PTK2B: variants seen among roughly 807,000 people sequenced by gnomAD.
PTK2B encodes the protein protein-tyrosine kinase 2-beta.
Under a neutral mutation model 142.9 loss-of-function variants are expected in PTK2B, and 71 were observed. The observed-to-expected ratio is 0.50, with a 90% CI of 0.41 to 0.61. The LOEUF (loss-of-function observed/expected upper bound fraction) is 0.61, where lower values mean the gene tolerates loss of function less well. Among genes scored for constraint, PTK2B ranks in the 20% least tolerant of loss-of-function variants. The pLI is 0.00. For synonymous variants in PTK2B, 519 were observed against 503.4 expected (o/e 1.03, Z -0.42); for missense variants, 1,105 against 1,320.4 (o/e 0.84, Z 2.53).
intron 22 of PTK2B, 39 bp downstream of exon 22, chr8:27,443,022 A>G: frequency 8.5e-6 from 13 of 1,528,400 alleles, no homozygotes; most frequent in Non-Finnish European, 1.2e-5. Context: ...TGTGAGTCAA[A>G]GCAAAGCCAG....
At chr8:27,352,720 T>C (rs113892872) in intron 1 of PTK2B, among the ~76,000 whole-genome samples, 10 of 152,256 alleles carry the variant, frequency 6.6e-5, no homozygotes, top group African/African-American at 1.9e-4. Context: ...GATCTGATGG[T>C]TTTGAAAAAC....
intron 1 of PTK2B, among the ~76,000 whole-genome samples, chr8:27,388,307 G>A (rs1264504280): frequency 6.6e-6 from 1 of 152,244 alleles, no homozygotes; most frequent in Non-Finnish European, 1.5e-5. Context: ...GGAAAAAGCT[G>A]AGATCATGAT....
At chr8:27,447,697 A>G (rs1351114689) in intron 24 of PTK2B, among the ~76,000 whole-genome samples, 1 of 152,130 alleles carries the variant, frequency 6.6e-6, no homozygotes, top group African/African-American at 2.4e-5. Flanking sequence ...CATCTGTACT[A>G]AAAATACAAA....
chr8:27,368,422 T>C (rs1367446549), intron 1 of PTK2B, among the ~76,000 whole-genome samples: 3 of 152,112 alleles, frequency 2.0e-5, no homozygotes, highest in Non-Finnish European at 4.4e-5. Flanking sequence ...CCCCTTGGTA[T>C]TCATCCCTCC....
intron 2 of PTK2B, among the ~76,000 whole-genome samples, chr8:27,418,770 G>A (rs1340917665): frequency 2.6e-5 from 4 of 152,160 alleles, no homozygotes; most frequent in Admixed American, 6.5e-5. Flanking sequence ...GCTCACGCCT[G>A]TAATCCCAGC....
intron 1 of PTK2B, among the ~76,000 whole-genome samples, chr8:27,351,333 T>C (rs1229919062): frequency 6.6e-6 from 1 of 152,026 alleles, no homozygotes; most frequent in Admixed American, 6.6e-5. Flanking sequence ...AATCACCTGG[T>C]CCAATCCCTT....
chr8:27,374,505 G>A (rs1028641971), intron 1 of PTK2B, among the ~76,000 whole-genome samples: 3 of 152,226 alleles, frequency 2.0e-5, no homozygotes, highest in African/African-American at 7.2e-5. Context: ...GATTTCTGTG[G>A]GAAGGAACAT....
upstream of PTK2B, among the ~76,000 whole-genome samples, chr8:27,323,729 G>A (rs573492945): frequency 9.2e-5 from 14 of 152,140 alleles, no homozygotes; most frequent in Non-Finnish European, 1.9e-4. Flanking sequence ...ACCTGATGGC[G>A]GAGTTGGCCA....
At chr8:27,327,861 G>C (rs886776591) in intron 1 of PTK2B, among the ~76,000 whole-genome samples, 1 of 152,216 alleles carries the variant, frequency 6.6e-6, no homozygotes, top group Non-Finnish European at 1.5e-5. Context: ...GAGGATCCCT[G>C]ATAATGTATG....
chr8:27,442,083 C>A (rs1233988474), intron 21 of PTK2B, among the ~76,000 whole-genome samples: 2 of 152,168 alleles, frequency 1.3e-5, no homozygotes, highest in Non-Finnish European at 2.9e-5. Context: ...TCAGTGTTTC[C>A]TAACCGTTCC....
chr8:27,371,301 T>G (rs922327015), intron 1 of PTK2B, among the ~76,000 whole-genome samples: 26 of 152,178 alleles, frequency 1.7e-4, no homozygotes, highest in African/African-American at 5.3e-4. Flanking sequence ...AGGGCATTCT[T>G]GCCGGCTGAG....
chr8:27,446,553 G>T (rs1811485095), intron 24 of PTK2B, among the ~76,000 whole-genome samples: 1 of 152,108 alleles, frequency 6.6e-6, no homozygotes, highest in Admixed American at 6.6e-5. Context: ...GTGTGAAAAA[G>T]ACACTTTTGC....
In PTK2B at chr8:27,343,663, T is replaced by C. The variant is rs560638275; in HGVS notation, c.-38+17982T>C. On this transcript the variant is annotated intron_variant, in intron 1 of 30. Coordinates refer to ENST00000346049, the MANE Select transcript of PTK2B (RefSeq NM_173176.3). ...CCCATTCAACCTTTACCTTATTCAT[T>C]CACTGTTACCATGTCGCCTGCCTTC... Among the ~76,000 whole-genome samples the C allele has an allele frequency of 7.9e-5, 12 of 152,346 alleles. No homozygotes were observed. In the East Asian group the frequency reaches 2.3e-3, roughly 29 times the overall value.
chr8:27,419,978 C>T lies in PTK2B; in HGVS notation c.288C>T (p.His96=), dbSNP rs777479191. The T allele has an allele frequency of 1.1e-5, 17 of 1,614,172 alleles. No individual in the cohort carries two copies. In the East Asian group the frequency reaches 3.6e-4, roughly 34 times the overall value. The change falls in exon 3 of 31, where the codon CAC becomes CAT. Residue 96 remains histidine (H), a synonymous_variant. Transcript: ENST00000346049. ...LAECYGLRLK[H]MKSDEIHWLH... is the part of the protein sequence containing the mutation. ...AGTGCTATGGGCTGAGGCTGAAGCA[C>T]ATGAAGTCCGATGAGATCCACTGGC...
intron 4 of PTK2B, among the ~76,000 whole-genome samples, chr8:27,421,177 ATAATAATACC>A (rs1809723590): frequency 6.6e-6 from 1 of 152,224 alleles, no homozygotes; most frequent in African/African-American, 2.4e-5. Flanking sequence ...GGGAATCATA[ATAATAATACC>A]TACTTTATAG....
At chr8:27,354,478 G>C (rs1167643638) in intron 1 of PTK2B, among the ~76,000 whole-genome samples, 1 of 152,166 alleles carries the variant, frequency 6.6e-6, no homozygotes, top group Non-Finnish European at 1.5e-5. Flanking sequence ...AGGGAAAGGA[G>C]ACGTTGCAGA....
rs1156375677 is a variant in PTK2B, at chr8:27,406,750, C to T, written c.204+8962C>T. The stretch of plus-strand genomic sequence containing the variant: ...CCTCCTGCCCCAAGTGCCAGTGGTA[C>T]CCTGTTGAGATTCACTGATGTGAAT... On this transcript the variant is annotated intron_variant, in intron 2 of 30. Coordinates refer to ENST00000346049, the MANE Select transcript of PTK2B (RefSeq NM_173176.3). 2.6e-5 allele frequency among the ~76,000 whole-genome samples: 4 copies of T among 152,142 alleles called. No individual in the cohort carries two copies. The South Asian group carries it at 8.3e-4, about 32-fold the overall frequency.
At chr8:27,386,879 G>GTT (rs574920006) in intron 1 of PTK2B, among the ~76,000 whole-genome samples, 2 of 142,224 alleles carry the variant, frequency 1.4e-5, no homozygotes, top group African/African-American at 5.1e-5. Context: ...AGTACCTGAG[G>GTT]TTTTTTTTTT....
chr8:27,449,981 T>C (rs1335414344), intron 24 of PTK2B, among the ~76,000 whole-genome samples: 1 of 152,242 alleles, frequency 6.6e-6, no homozygotes. Flanking sequence ...TAATCATTGG[T>C]TAAATAACTC....
Sources: gnomAD v4.1 joint callset for allele counts (sites outside exome capture counted in the v4.1 genomes callset) on GRCh38, gnomAD v4.1.1 for gene constraint, MANE v1.5 for transcripts, NCBI Gene and HGNC (gene_info 2026-07-23, HGNC 2026-07-21) for gene names.